Variants in HS3ST3A1 observed in about 807,000 individuals in gnomAD.
HS3ST3A1 encodes heparan sulfate-glucosamine 3-sulfotransferase 3A1, also known as heparan sulfate glucosamine 3-O-sulfotransferase 3A1.
Under a neutral mutation model 25.7 loss-of-function variants are expected in HS3ST3A1, and 19 were observed. The ratio of observed to expected loss-of-function variants is 0.74; its 90% CI spans 0.52 to 1.08. The LOEUF (loss-of-function observed/expected upper bound fraction) is 1.08. HS3ST3A1 is among the 50% of genes least tolerant of loss of function. HS3ST3A1 has a pLI of 0.00. For synonymous variants in HS3ST3A1, 226 were observed against 278.6 expected (o/e 0.81, Z 1.88); for missense variants, 459 against 594.3 (o/e 0.77, Z 2.37).
chr17:13,534,379 G>T (rs1906703580), intron 1 of HS3ST3A1, among the ~76,000 whole-genome samples: 1 of 151,780 alleles, frequency 6.6e-6, no homozygotes, highest in East Asian at 1.9e-4. Context: ...CATACAGTCA[G>T]TTCTTGTTAT....
At chr17:13,573,065 C>T (rs1029516627) in intron 1 of HS3ST3A1, among the ~76,000 whole-genome samples, 1 of 152,158 alleles carries the variant, frequency 6.6e-6, no homozygotes, top group Admixed American at 6.5e-5. Context: ...TCATTGAACA[C>T]CATGAGATTC....
chr17:13,526,775 GTA>G (rs748749537), intron 1 of HS3ST3A1, among the ~76,000 whole-genome samples: 7 of 151,820 alleles, frequency 4.6e-5, no homozygotes, highest in Non-Finnish European at 7.4e-5. Context: ...AGCCTCCCGA[GTA>G]GCTGGGATTA....
In HS3ST3A1 at chr17:13,600,985, G is replaced by A. The variant is rs766711715; in HGVS notation, c.145C>T (p.Leu49=). The change falls in exon 1 of 2, where the codon CTG becomes TTG. Residue 49 remains leucine, a synonymous_variant. Coordinates refer to ENST00000284110, the MANE Select transcript of HS3ST3A1 (RefSeq NM_006042.3). ...GACAGCCCCACGACGGGGCCGGACAGGGTCTGGCAGCGCTCGGCCAGGCAG... is the reference window on the plus strand; with the variant it reads ...GACAGCCCCACGACGGGGCCGGACAAGGTCTGGCAGCGCTCGGCCAGGCAG... ...FYCLAERCQT[L]SGPVVGLSGG... The A allele has an allele frequency of 3.8e-6, 6 of 1,567,632 alleles. No individual in the cohort carries two copies. The highest frequency in any genetic ancestry group is 4.3e-6 in the Non-Finnish European group (5 of 1,156,994).
At chr17:13,503,482 C>A (rs1348216349) in intron 1 of HS3ST3A1, among the ~76,000 whole-genome samples, 1 of 152,068 alleles carries the variant, frequency 6.6e-6, no homozygotes, top group Non-Finnish European at 1.5e-5. Context: ...GATGGATATG[C>A]TAACTACCCT....
chr17:13,556,620 G>A (rs971642015), intron 1 of HS3ST3A1, among the ~76,000 whole-genome samples: 5 of 152,076 alleles, frequency 3.3e-5, no homozygotes, highest in South Asian at 2.1e-4. Flanking sequence ...TTGGGAGGCC[G>A]AGTCAGGCGG....
chr17:13,589,026 T>C (rs1448569173), intron 1 of HS3ST3A1, among the ~76,000 whole-genome samples: 1 of 152,200 alleles, frequency 6.6e-6, no homozygotes, highest in African/African-American at 2.4e-5. Context: ...AACTCACTGG[T>C]CCACTCCAGC....
chr17:13,557,331 G>T (rs1404120561), intron 1 of HS3ST3A1, among the ~76,000 whole-genome samples: 1 of 151,988 alleles, frequency 6.6e-6, no homozygotes, highest in African/African-American at 2.4e-5. Context: ...TAAAACCCTT[G>T]AACATTTAAG....
rs1908712954 is a variant in HS3ST3A1 at position 13,600,886 on chromosome 17, G to A, written c.244C>T (p.Pro82Ser). The A allele has an allele frequency of 3.4e-6, 5 of 1,479,154 alleles. No homozygotes were observed. In the South Asian group the frequency reaches 4.0e-5, roughly 12 times the overall value. 91.6% of individuals were successfully genotyped at this position (1,479,154 alleles called of 1,614,324 possible). A position where few individuals can be genotyped will look rare whatever the true frequency, so the allele number is the denominator to read the frequency against. ...AGGPRELAVW[P>S]AAAQRKRLLQ... The stretch of plus-strand genomic sequence containing the variant: ...AGGCGCTTTCTCTGTGCCGCCGCCG[G>A]CCACACCGCCAGCTCCCTCGGGCCT... The change falls in exon 1 of 2, where the codon CCG (proline) becomes TCG (serine). Residue 82 changes from proline to serine, a missense_variant. This residue lies in a region of HS3ST3A1 where 346 missense variants were observed against 303.9 expected (regional missense o/e 1.14). Transcript: ENST00000284110.
intron 1 of HS3ST3A1, 132 bp downstream of exon 1, chr17:13,600,399 C>G: frequency 7.2e-7 from 1 of 1,389,328 alleles, no homozygotes; most frequent in Non-Finnish European, 9.3e-7. Flanking sequence ...GAAGAAAGAC[C>G]CTTGACGACC....
chr17:13,497,937 C>T (rs1567607086), intron 1 of HS3ST3A1, among the ~76,000 whole-genome samples: 1 of 152,162 alleles, frequency 6.6e-6, no homozygotes, highest in Non-Finnish European at 1.5e-5. Flanking sequence ...ATCATGGGAG[C>T]TTGCAGTTAT....
intron 1 of HS3ST3A1, among the ~76,000 whole-genome samples, chr17:13,587,039 T>C (rs964528064): frequency 6.6e-6 from 1 of 151,876 alleles, no homozygotes; most frequent in South Asian, 2.1e-4. Flanking sequence ...ATTTCACCTC[T>C]TTACTCTCAC....
chr17:13,507,842 C>T (rs1905732714), intron 1 of HS3ST3A1, among the ~76,000 whole-genome samples: 2 of 152,124 alleles, frequency 1.3e-5, no homozygotes, highest in South Asian at 2.1e-4. Context: ...TGTGGGTCCT[C>T]GATGGTGTGT....
chr17:13,553,098 C>G (rs1490110310), intron 1 of HS3ST3A1, among the ~76,000 whole-genome samples: 1 of 152,102 alleles, frequency 6.6e-6, no homozygotes, highest in African/African-American at 2.4e-5. Context: ...TTTCATGGGG[C>G]AGAGACTACA....
intron 1 of HS3ST3A1, among the ~76,000 whole-genome samples, chr17:13,574,428 A>G (rs62053901): frequency 0.42 from 63,916 of 150,476 alleles, 15,119 homozygotes; most frequent in African/African-American, 0.64. Flanking sequence ...TATCACTCTT[A>G]AAACAGTGGG....
chr17:13,598,289 A>G (rs1396917268), intron 1 of HS3ST3A1, among the ~76,000 whole-genome samples: 1 of 152,164 alleles, frequency 6.6e-6, no homozygotes, highest in Non-Finnish European at 1.5e-5. Flanking sequence ...ACGAGCCTTC[A>G]GTCTTGCTCA....
At chr17:13,498,530 T>C (rs1412613606) in intron 1 of HS3ST3A1, among the ~76,000 whole-genome samples, 1 of 152,200 alleles carries the variant, frequency 6.6e-6, no homozygotes, top group Non-Finnish European at 1.5e-5. Context: ...ATAAAAACTG[T>C]CCATAAAGAA....
chr17:13,551,630 G>GT (rs1331696472), intron 1 of HS3ST3A1, among the ~76,000 whole-genome samples: 1 of 149,086 alleles, frequency 6.7e-6, no homozygotes, highest in African/African-American at 2.5e-5. Context: ...AAAAAAGGGG[G>GT]GGGGGTATTT....
intron 1 of HS3ST3A1, among the ~76,000 whole-genome samples, chr17:13,512,178 A>G (rs1398428969): frequency 6.6e-6 from 1 of 151,988 alleles, no homozygotes. Flanking sequence ...GGGCGCCTGT[A>G]GTCCCAGCTA....
At chr17:13,585,867 T>G (rs1473942254) in intron 1 of HS3ST3A1, among the ~76,000 whole-genome samples, 1 of 130,682 alleles carries the variant, frequency 7.7e-6, no homozygotes, top group African/African-American at 3.1e-5. Context: ...TTTTTTTTTT[T>G]CTGACAGAGT....
Sources: allele counts gnomAD v4.1 joint callset (sites outside exome capture counted in the v4.1 genomes callset), GRCh38; gene constraint gnomAD v4.1.1; regional missense constraint gnomAD v4.1.1; transcripts MANE v1.5; gene names NCBI Gene and HGNC (gene_info 2026-07-23, HGNC 2026-07-21).